The following AKAP7 variants were observed in gnomAD, a reference collection of about 807,000 sequenced individuals.
AKAP7 encodes A kinase (PRKA) anchor protein 7.
Under a neutral mutation model 39.5 loss-of-function variants are expected in AKAP7, and 39 were observed. That is an observed-to-expected ratio of 0.99 (90% confidence interval 0.76 to 1.29). AKAP7 has a LOEUF of 1.29. Ranked by LOEUF, AKAP7 falls within the 50% of genes most tolerant of loss-of-function variation. The pLI, the probability that AKAP7 is intolerant of heterozygous loss-of-function variation, is 0.00. For synonymous variants in AKAP7, 140 were observed against 139.1 expected, an observed-to-expected ratio of 1.01 and a Z score of -0.05; for missense variants, 414 against 407.7, an observed-to-expected ratio of 1.02 and a Z score of -0.13.
Position 131,282,594 on chromosome 6 carries a change from C to A in AKAP7, c.*868C>A. The A allele has an allele frequency of 1.3e-6, 2 of 1,534,830 alleles. No individual in the cohort carries two copies. The highest frequency in any genetic ancestry group is 1.7e-6 in the Non-Finnish European group (2 of 1,145,970). On this transcript the variant is annotated 3_prime_UTR_variant, in exon 8 of 8. Coordinates refer to ENST00000431975, the MANE Select transcript of AKAP7 (RefSeq NM_016377.4). Reference sequence around the variant, plus strand: ...GCAAATGACGTTGATTTCAGCACAACTTTGACATAAGCTCTACATTGCGAT... The same window carrying A: ...GCAAATGACGTTGATTTCAGCACAAATTTGACATAAGCTCTACATTGCGAT...
intron 7 of AKAP7, chr6:131,252,961 G>A (rs1812554910): frequency 1.3e-6 from 2 of 1,492,848 alleles, no homozygotes; most frequent in African/African-American, 2.8e-5. Flanking sequence ...CCTCCTTGAA[G>A]GTAGCCCAAA....
At chr6:131,202,766 AAAAT>A (rs1473334641) in intron 6 of AKAP7, among the ~76,000 whole-genome samples, 1 of 151,788 alleles carries the variant, frequency 6.6e-6, no homozygotes, top group African/African-American at 2.4e-5. Flanking sequence ...TAATAATAAT[AAAAT>A]AAAATAAAAT....
chr6:131,142,865 C>T (rs1460510340), intron 1 of AKAP7, among the ~76,000 whole-genome samples: 1 of 152,222 alleles, frequency 6.6e-6, no homozygotes, highest in Admixed American at 6.5e-5. Flanking sequence ...TTTGGGAGCC[C>T]ATGTCTTGCT....
intron 5 of AKAP7, among the ~76,000 whole-genome samples, chr6:131,172,240 A>C (rs180911370): frequency 2.4e-4 from 37 of 152,366 alleles, no homozygotes; most frequent in African/African-American, 8.7e-4. Context: ...TTTTAATAAC[A>C]AGAACAGTAG....
intron 5 of AKAP7, among the ~76,000 whole-genome samples, chr6:131,187,379 G>A (rs1805968911): frequency 6.6e-6 from 1 of 151,790 alleles, no homozygotes; most frequent in African/African-American, 2.4e-5. Context: ...TAAAATTTTT[G>A]TATTCCTAAT....
intron 6 of AKAP7, among the ~76,000 whole-genome samples, chr6:131,212,138 G>A (rs376333038): frequency 1.3e-5 from 2 of 152,290 alleles, no homozygotes; most frequent in African/African-American, 2.4e-5. Flanking sequence ...GCTTTCACAC[G>A]TCGTAAAGTT....
At chr6:131,221,724 A>T (rs1052510999) in intron 7 of AKAP7, among the ~76,000 whole-genome samples, 1 of 152,218 alleles carries the variant, frequency 6.6e-6, no homozygotes, top group Non-Finnish European at 1.5e-5. Context: ...GTCTGTCTAT[A>T]CTTTATAAAT....
chr6:131,140,770 T>C (rs1017921440), intron 1 of AKAP7, among the ~76,000 whole-genome samples: 3 of 152,228 alleles, frequency 2.0e-5, no homozygotes, highest in African/African-American at 7.2e-5. Context: ...ACATGGTCAG[T>C]GGTGATCCTT....
upstream of AKAP7, among the ~76,000 whole-genome samples, chr6:131,135,402 T>G (rs1200652184): frequency 6.6e-6 from 1 of 152,078 alleles, no homozygotes; most frequent in Non-Finnish European, 1.5e-5. Flanking sequence ...TCCCCCGCCC[T>G]GCCCGAGCGC....
intron 6 of AKAP7, among the ~76,000 whole-genome samples, chr6:131,218,542 T>A (rs1413774146): frequency 6.6e-6 from 1 of 152,260 alleles, no homozygotes; most frequent in East Asian, 1.9e-4. Context: ...TAACTAGTTT[T>A]CTAAATAAGT....
chr6:131,184,411 G>T, intron 5 of AKAP7: 1 of 659,920 alleles, frequency 1.5e-6, no homozygotes, highest in South Asian at 1.4e-5. Flanking sequence ...CCTTCAGGGG[G>T]CTCAGATATG....
At chr6:131,171,009 C>T (rs759024896) in intron 5 of AKAP7, among the ~76,000 whole-genome samples, 1 of 152,060 alleles carries the variant, frequency 6.6e-6, no homozygotes, top group Non-Finnish European at 1.5e-5. Flanking sequence ...GTGACACAGC[C>T]GCATTCATTT....
At chr6:131,172,625 GC>G (rs1804181206) in intron 5 of AKAP7, among the ~76,000 whole-genome samples, 1 of 152,228 alleles carries the variant, frequency 6.6e-6, no homozygotes, top group Non-Finnish European at 1.5e-5. Context: ...ACTGTGCCCA[GC>G]CCCTCCTTTC....
chr6:131,173,654 A>C (rs933087137), intron 5 of AKAP7, among the ~76,000 whole-genome samples: 2 of 152,230 alleles, frequency 1.3e-5, no homozygotes, highest in African/African-American at 2.4e-5. Flanking sequence ...TCTGAGGGCA[A>C]ATCATCTGGG....
chr6:131,184,682 A>G, intron 5 of AKAP7: 1 of 778,314 alleles, frequency 1.3e-6, no homozygotes, highest in Non-Finnish European at 2.4e-6. Flanking sequence ...CAGAAGTTAC[A>G]GTAGTTGTTG....
At chr6:131,238,155 C>T (rs1811234231) in intron 7 of AKAP7, among the ~76,000 whole-genome samples, 1 of 152,128 alleles carries the variant, frequency 6.6e-6, no homozygotes, top group Non-Finnish European at 1.5e-5. Context: ...GCCTTCATTT[C>T]ATTATGTACC....
chr6:131,202,503 C>T (rs529095822), intron 6 of AKAP7, among the ~76,000 whole-genome samples: 14 of 151,034 alleles, frequency 9.3e-5, no homozygotes, highest in Middle Eastern at 6.8e-3. Flanking sequence ...AGTAAACTAT[C>T]GCAAGGACAA....
chr6:131,268,245 TG>T (rs1813975438), intron 7 of AKAP7, among the ~76,000 whole-genome samples: 1 of 152,138 alleles, frequency 6.6e-6, no homozygotes, highest in African/African-American at 2.4e-5. Flanking sequence ...TATATCTGCC[TG>T]GGGGTGGGTG....
chr6:131,165,025 A>C, intron 3 of AKAP7, 56 bp from the exon 4 acceptor site: 7 of 1,386,758 alleles, frequency 5.0e-6, no homozygotes, highest in Non-Finnish European at 5.8e-6. Flanking sequence ...TACCATAAAG[A>C]AATTTTGCTT....
Sources: gnomAD v4.1 joint callset for allele counts (sites outside exome capture counted in the v4.1 genomes callset) on GRCh38, gnomAD v4.1.1 for gene constraint, MANE v1.5 for transcripts, NCBI Gene and HGNC (gene_info 2026-07-23, HGNC 2026-07-21) for gene names.